The following C10orf88 variants were observed in gnomAD, a reference collection of about 807,000 sequenced individuals.
The protein encoded by C10orf88 is chromosome 10 open reading frame 88, also known as ATPase PAAT.
A neutral mutation model predicts 34.2 loss-of-function variants in C10orf88; 29 were observed. The ratio of observed to expected loss-of-function variants is 0.85; its 90% CI spans 0.63 to 1.16. C10orf88 has a LOEUF of 1.16. C10orf88 is among the 50% of genes most tolerant of loss of function. The pLI is 0.00. For missense variants in C10orf88, 507 were observed against 533.2 expected (o/e 0.95, Z 0.48); for synonymous variants, 194 against 197.4 (o/e 0.98, Z 0.15).
chr10:122,947,429 C>T (rs776586964), intron 4 of C10orf88, among the ~76,000 whole-genome samples: 35 of 152,134 alleles, frequency 2.3e-4, no homozygotes, highest in Non-Finnish European at 4.3e-4. Flanking sequence ...TATTAATTAA[C>T]TTGCCATAGG....
intron 4 of C10orf88, among the ~76,000 whole-genome samples, chr10:122,946,859 G>T (rs1162134000): frequency 6.6e-6 from 1 of 152,104 alleles, no homozygotes; most frequent in Non-Finnish European, 1.5e-5. Context: ...AGGTCTGGAG[G>T]TGGGAACATA....
In C10orf88 at chr10:122,938,165, C is replaced by G. The variant is rs770150043; in HGVS notation, c.649-6G>C. 24 of 1,563,622 alleles carry G rather than the reference C, an allele frequency of 1.5e-5. 1 individual carries two copies. In the South Asian group the frequency reaches 2.9e-4, roughly 19 times the overall value. ...TCTCCAATGGGAATACAATTCTAAA[C>G]AAGGTAAACAAGTAAATGTTAATAT... On this transcript the variant is annotated splice_polypyrimidine_tract_variant and splice_region_variant and intron_variant, in intron 4 of 5. Transcript: ENST00000481909.
At chr10:122,952,188 T>C (rs947656939) in intron 2 of C10orf88, among the ~76,000 whole-genome samples, 162 bp from the exon 3 acceptor site, 12 of 152,194 alleles carry the variant, frequency 7.9e-5, no homozygotes. Context: ...ACACTGCCTA[T>C]GATTACATCT....
At chr10:122,953,865 C>G (rs1054302563) in intron 1 of C10orf88, 150 bp downstream of exon 1, 1 of 414,276 alleles carries the variant, frequency 2.4e-6, no homozygotes, top group African/African-American at 2.2e-5. Flanking sequence ...CCACCCCGGA[C>G]GACCTCGCAG....
rs114464969 is a variant in C10orf88 at position 122,942,169 on chromosome 10, G to A, written c.649-4010C>T. ...GTAAACTAATTAATATCCTCTAATC[G>A]TTACCAAAATTTGTTCACAAACAAT... is the stretch of plus-strand genomic sequence containing the variant. On this transcript the variant is annotated intron_variant, in intron 4 of 5. Coordinates refer to ENST00000481909, the MANE Select transcript of C10orf88 (RefSeq NM_024942.4). 3.0e-3 allele frequency among the ~76,000 whole-genome samples: 452 copies of A among 151,938 alleles called. 2 individuals carry two copies. The highest frequency in any genetic ancestry group is 0.01 in the African/African-American group (421 of 41,410).
At chr10:122,934,194 T>C (rs1006899498) in intron 5 of C10orf88, among the ~76,000 whole-genome samples, 2 of 152,142 alleles carry the variant, frequency 1.3e-5, no homozygotes, top group African/African-American at 2.4e-5. Context: ...AACCAGGAAA[T>C]TGATATTAAT....
chr10:122,946,102 T>TA (rs979835491), intron 4 of C10orf88, among the ~76,000 whole-genome samples: 40 of 136,576 alleles, frequency 2.9e-4, no homozygotes, highest in South Asian at 9.1e-4. Context: ...TCGCAAAAAA[T>TA]AAAAAAAAAA....
At chr10:122,947,805 T>A (rs1359956617) in intron 4 of C10orf88, among the ~76,000 whole-genome samples, 1 of 152,228 alleles carries the variant, frequency 6.6e-6, no homozygotes, top group African/African-American at 2.4e-5. Flanking sequence ...AATTTCATGT[T>A]TAACTTGATT....
intron 4 of C10orf88, among the ~76,000 whole-genome samples, chr10:122,941,727 T>C (rs907444692): frequency 6.6e-6 from 1 of 152,096 alleles, no homozygotes; most frequent in African/African-American, 2.4e-5. Flanking sequence ...AGTCTTCCAT[T>C]AGCATGTTTA....
rs367679397 is a variant in C10orf88, at chr10:122,952,929, T to C, written c.268A>G (p.Ile90Val). Residue 90 changes from isoleucine to valine, a missense_variant, in exon 2 of 6, where the codon ATT becomes GTT. By Grantham distance (29) the Ile-to-Val change is conservative. Coordinates refer to ENST00000481909, the MANE Select transcript of C10orf88 (RefSeq NM_024942.4). Reference protein sequence around the residue: ...GPDGGEEIASIGILSSARNME... With the variant: ...GPDGGEEIASVGILSSARNME... Reference sequence around the variant, plus strand: ...TTTCTTGCTGAACTTAAAATGCCAATAGAAGCGATTTCTTCACCTCCATCA... The same window carrying C: ...TTTCTTGCTGAACTTAAAATGCCAACAGAAGCGATTTCTTCACCTCCATCA... 1 of 1,614,036 alleles carries C rather than the reference T, an allele frequency of 6.2e-7. No homozygotes were observed. Among genetic ancestry groups the C allele is most frequent in the African/African-American group, 1.3e-5 (1 of 74,906 alleles).
At chr10:122,949,962 T>C (rs910290819) in intron 3 of C10orf88, among the ~76,000 whole-genome samples, 1 of 151,982 alleles carries the variant, frequency 6.6e-6, no homozygotes, top group Non-Finnish European at 1.5e-5. Context: ...GACACTCAAT[T>C]AGTAAAGAAC....
At chr10:122,934,773 CCAA>C (rs759373248) in intron 5 of C10orf88, among the ~76,000 whole-genome samples, 3 of 152,086 alleles carry the variant, frequency 2.0e-5, no homozygotes, top group Non-Finnish European at 2.9e-5. Context: ...TATATTCCTA[CCAA>C]CAATGTATGA....
In C10orf88 at chr10:122,948,579, C is replaced by T. The variant is rs1027364996; in HGVS notation, c.648+70G>A. On this transcript the variant is annotated intron_variant, in intron 4 of 5. Transcript: ENST00000481909. ...ATGAAAGAAAAATTTTAAGTCACTA[C>T]ATTTCTTTACTAAAAGCAATGGTTT... The T allele has an allele frequency of 1.2e-5, 18 of 1,453,006 alleles. No individual in the cohort carries two copies. The African/African-American group carries it at 2.5e-4, about 21-fold the overall frequency. The allele number at this position is 1,453,006 out of a possible 1,614,324, so 90.0% of individuals were successfully genotyped here.
intron 2 of C10orf88, 86 bp downstream of exon 2, chr10:122,952,743 A>G: frequency 6.7e-7 from 1 of 1,493,628 alleles, no homozygotes; most frequent in East Asian, 2.3e-5. Flanking sequence ...TGGTATCAAT[A>G]TCAGAGAATC....
Position 122,932,409 on chromosome 10 carries a change from ACT to A in C10orf88, c.*16_*17del. ...AATATGTAATAAATATCTGCAGTAC[ACT>A]GTTTATGTTGAGAGCTTATCTTTCT... On this transcript the variant is annotated 3_prime_UTR_variant, in exon 6 of 6. Coordinates refer to ENST00000481909, the MANE Select transcript of C10orf88 (RefSeq NM_024942.4). 1 of 1,575,276 alleles carries A rather than the reference ACT, an allele frequency of 6.3e-7. No homozygotes were observed. Among genetic ancestry groups the A allele is most frequent in the South Asian group, 1.1e-5 (1 of 89,054 alleles).
intron 4 of C10orf88, among the ~76,000 whole-genome samples, chr10:122,941,247 T>C (rs1007054560): frequency 3.3e-5 from 5 of 152,092 alleles, no homozygotes; most frequent in African/African-American, 1.2e-4. Flanking sequence ...AGAATTCCTA[T>C]TCAAGAATTC....
chr10:122,951,449 C>A (rs1385993565), intron 3 of C10orf88, among the ~76,000 whole-genome samples: 1 of 151,932 alleles, frequency 6.6e-6, no homozygotes, highest in Non-Finnish European at 1.5e-5. Flanking sequence ...TTGAGCAATC[C>A]TCCCACCTCA....
chr10:122,932,651 G>A lies in C10orf88; in HGVS notation c.1114C>T (p.Gln372Ter). The A allele has an allele frequency of 6.3e-7, 1 of 1,596,214 alleles. No individual in the cohort carries two copies. Residue 372 changes from glutamine to a stop codon, truncating the protein, a stop_gained, in exon 6 of 6, where the codon CAA becomes TAA. Coordinates refer to ENST00000481909, the MANE Select transcript of C10orf88 (RefSeq NM_024942.4). LOFTEE classifies it high-confidence loss of function. ...ERILGVGMEE[Q>*]SICSYLEKIL... ...TTTTCCAAGTAGGAGCAAATAGATT[G>A]CTCTTCCATTCTAAAAATACATTTT...
chr10:122,948,889 T>TTATTGTTTTTAATATC, intron 3 of C10orf88, 34 bp from the exon 4 acceptor site: 1 of 1,556,914 alleles, frequency 6.4e-7, no homozygotes, highest in Non-Finnish European at 8.8e-7. Context: ...AAAAGAATGA[T>TTATTGTTTTTAATATC]ATTAAAAACA....
Sources: gnomAD v4.1 joint callset for allele counts (sites outside exome capture counted in the v4.1 genomes callset) on GRCh38, gnomAD v4.1.1 for gene constraint, MANE v1.5 for transcripts, NCBI Gene and HGNC (gene_info 2026-07-23, HGNC 2026-07-21) for gene names.